Variants in CASD1 observed in about 807,000 individuals in gnomAD.
CASD1 encodes the protein CAS1 domain sialic acid O acetyltransferase 1.
Under a neutral mutation model 100.0 loss-of-function variants are expected in CASD1, and 41 were observed. That is an observed-to-expected ratio of 0.41 (90% confidence interval 0.32 to 0.53). The LOEUF is 0.53. CASD1 is among the 20% of genes least tolerant of loss of function. The pLI is 0.25. For missense variants in CASD1, 774 were observed against 948.7 expected (o/e 0.82, Z 2.42); for synonymous variants, 321 against 315.6 (o/e 1.02, Z -0.18).
At chr7:94,553,183 A>G (rs763370354) in intron 16 of CASD1, 13 of 442,100 alleles carry the variant, frequency 2.9e-5, no homozygotes, top group African/African-American at 6.2e-5. Context: ...ATTATTTACA[A>G]TGTTTCTTTA....
chr7:94,522,448 C>T (rs964689181), intron 3 of CASD1, among the ~76,000 whole-genome samples: 30 of 152,088 alleles, frequency 2.0e-4, no homozygotes, highest in Admixed American at 9.8e-4. Flanking sequence ...AATATAACTA[C>T]AAGGAGAAAT....
Position 94,545,698 on chromosome 7 carries a change from A to C in CASD1, c.1630A>C (p.Asn544His). 6.3e-7 allele frequency: 1 copy of C among 1,578,870 alleles called. No individual in the cohort carries two copies. Among genetic ancestry groups the C allele is most frequent in the Non-Finnish European group, 8.6e-7 (1 of 1,159,106 alleles). Residue 544 changes from asparagine to histidine, a missense_variant, in exon 12 of 18, where the codon AAC (asparagine) becomes CAC (histidine). By Grantham distance (68) the Asn-to-His change is moderately conservative (BLOSUM62 1). This residue lies in a region of CASD1 where 453 missense variants were observed against 532.6 expected (regional missense o/e 0.85). Coordinates refer to ENST00000297273, the MANE Select transcript of CASD1 (RefSeq NM_022900.5). ...LWPQIIQKKA[N>H]GNCFWHFGLL... ...GCCACAAATAATCCAAAAAAAAGCAAACGGTAAATATACTTTCTTACTAAT... is the reference window on the plus strand; with the variant it reads ...GCCACAAATAATCCAAAAAAAAGCACACGGTAAATATACTTTCTTACTAAT...
chr7:94,576,707 T>TG, the CASD1 span, among the ~76,000 whole-genome samples: 2 of 152,320 alleles, frequency 1.3e-5, no homozygotes, highest in East Asian at 3.9e-4. Context: ...ACATTCCTCC[T>TG]GGAACAATTA....
At chr7:94,630,409 G>A in the CASD1 span, among the ~76,000 whole-genome samples, 4 of 151,502 alleles carry the variant, frequency 2.6e-5, no homozygotes, top group Non-Finnish European at 3.0e-5. Flanking sequence ...TTCATTCCTC[G>A]CATCTCTTGT....
At chr7:94,542,763 C>T (rs529302590) in intron 10 of CASD1, among the ~76,000 whole-genome samples, 2 of 152,240 alleles carry the variant, frequency 1.3e-5, no homozygotes, top group East Asian at 1.9e-4. Flanking sequence ...TTTTAGAGTA[C>T]ATTCAGGAAT....
intron 3 of CASD1, among the ~76,000 whole-genome samples, chr7:94,526,624 C>CA (rs1407046011): frequency 6.6e-6 from 1 of 152,082 alleles, no homozygotes; most frequent in Non-Finnish European, 1.5e-5. Flanking sequence ...CCCGTCGCTA[C>CA]AAAAAATTTT....
At chr7:94,595,700 T>G in the CASD1 span, among the ~76,000 whole-genome samples, 1 of 152,080 alleles carries the variant, frequency 6.6e-6, no homozygotes, top group East Asian at 1.9e-4. Context: ...TAGCTGTTTT[T>G]CTGGTAAAAA....
intron 7 of CASD1, among the ~76,000 whole-genome samples, chr7:94,534,159 ATTTTT>A (rs56864121): frequency 0.018 from 1,830 of 100,544 alleles, 22 homozygotes; most frequent in African/African-American, 0.068. Flanking sequence ...CTGTTTCATA[ATTTTT>A]TTTTTTTTTT....
chr7:94,561,997 A>G (rs990555882), downstream of CASD1, among the ~76,000 whole-genome samples: 15 of 152,290 alleles, frequency 9.8e-5, no homozygotes, highest in African/African-American at 3.1e-4. Context: ...AGGACATTCT[A>G]TAAACAATTC....
At chr7:94,629,520 C>A in the CASD1 span, 2 of 523,628 alleles carry the variant, frequency 3.8e-6, no homozygotes, top group East Asian at 3.7e-5. Flanking sequence ...ATATGCTTTC[C>A]TTAACATTCA....
chr7:94,530,754 T>C (rs1368310755), intron 5 of CASD1, among the ~76,000 whole-genome samples: 1 of 151,990 alleles, frequency 6.6e-6, no homozygotes, highest in Non-Finnish European at 1.5e-5. Flanking sequence ...ATGGAAGAAA[T>C]TGAATAGGCA....
chr7:94,533,686 T>C lies in CASD1; in HGVS notation c.512T>C (p.Ile171Thr), dbSNP rs1197444356. 1 of 1,596,352 alleles carries C rather than the reference T, an allele frequency of 6.3e-7. No homozygotes were observed. The highest frequency in any genetic ancestry group is 1.3e-5 in the African/African-American group (1 of 74,118). The change falls in exon 7 of 18, where the codon ATC becomes ACC. Residue 171 changes from isoleucine to threonine, a missense_variant. Physicochemically the swap from Ile to Thr is moderately conservative, Grantham distance 89 (BLOSUM62 -1). This residue lies in a region of CASD1 where 453 missense variants were observed against 532.6 expected (regional missense o/e 0.85). Coordinates refer to ENST00000297273, the MANE Select transcript of CASD1 (RefSeq NM_022900.5). Reference sequence around the variant, plus strand: ...ATTTGTACTTCTTTTTAGTGGTCCATCAAGATTCACAATGGTAGCAGTGAA... The same window carrying C: ...ATTTGTACTTCTTTTTAGTGGTCCACCAAGATTCACAATGGTAGCAGTGAA... Reference protein sequence around the residue: ...VIVAGAATWSIKIHNGSSEAL... With the variant: ...VIVAGAATWSTKIHNGSSEAL...
chr7:94,540,767 C>A, intron 10 of CASD1, among the ~76,000 whole-genome samples: 1 of 151,986 alleles, frequency 6.6e-6, no homozygotes, highest in Middle Eastern at 3.2e-3. Flanking sequence ...AAAATTGAAT[C>A]CTAAGAATAT....
At chr7:94,550,297 T>C (rs1331335208) in intron 14 of CASD1, among the ~76,000 whole-genome samples, 1 of 152,164 alleles carries the variant, frequency 6.6e-6, no homozygotes, top group Non-Finnish European at 1.5e-5. Context: ...TTCCAATAAA[T>C]GTTTTCTTAG....
intron 5 of CASD1, among the ~76,000 whole-genome samples, chr7:94,531,319 T>C (rs1794838864): frequency 6.6e-6 from 1 of 152,014 alleles, no homozygotes; most frequent in South Asian, 2.1e-4. Flanking sequence ...TTGAGAAGAA[T>C]AGGGACATAT....
At chr7:94,544,992 G>T (rs1320626861) in intron 11 of CASD1, among the ~76,000 whole-genome samples, 1 of 152,062 alleles carries the variant, frequency 6.6e-6, no homozygotes, top group African/African-American at 2.4e-5. Context: ...TTTGCCCAAG[G>T]TCACATAGTA....
chr7:94,510,757 C>CCCATTTT (rs1440798383), intron 1 of CASD1, among the ~76,000 whole-genome samples: 7 of 152,386 alleles, frequency 4.6e-5, no homozygotes, highest in African/African-American at 1.7e-4. Context: ...AAGGGCCGCC[C>CCCATTTT]CCATTTTCCT....
chr7:94,603,183 A>T, the CASD1 span: 2 of 848,212 alleles, frequency 2.4e-6, no homozygotes, highest in Non-Finnish European at 3.8e-6. Flanking sequence ...AACTGCAGTT[A>T]AAGTAAACCT....
rs1461061800 is a variant in CASD1, at chr7:94,509,818, G to T, written c.-267G>T. On this transcript the variant is annotated 5_prime_UTR_variant, in exon 1 of 18. Transcript: ENST00000297273. ...GGAGGAGGAAGGGGAGGAGACAGGCGTCCAGGGCGCCTGGGGAACCGGCAC... is the reference window on the plus strand; with the variant it reads ...GGAGGAGGAAGGGGAGGAGACAGGCTTCCAGGGCGCCTGGGGAACCGGCAC... The T allele has an allele frequency of 2.0e-6, 2 of 996,868 alleles. No homozygotes were observed. Among genetic ancestry groups the T allele is most frequent in the Non-Finnish European group, 2.4e-6 (2 of 837,834 alleles). The allele number at this position is 996,868 out of a possible 1,614,324, so 61.8% of individuals were successfully genotyped here. A position where few individuals can be genotyped will look rare whatever the true frequency, so the allele number is the denominator to read the frequency against.
Sources: gnomAD v4.1 joint callset for allele counts (sites outside exome capture counted in the v4.1 genomes callset) on GRCh38, gnomAD v4.1.1 for gene constraint, gnomAD v4.1.1 regional missense constraint, MANE v1.5 for transcripts, NCBI Gene and HGNC (gene_info 2026-07-23, HGNC 2026-07-21) for gene names.